DTNA: variants seen among roughly 807,000 people sequenced by gnomAD.
DTNA encodes the protein dystrophin-related protein 3.
DTNA carries 43 observed loss-of-function variants against 100.7 expected under a neutral mutation model. That is an observed-to-expected ratio of 0.43 (90% CI 0.33 to 0.55). The LOEUF (loss-of-function observed/expected upper bound fraction) is 0.55, where lower values mean the gene tolerates loss of function less well. Ranked by LOEUF, DTNA falls within the 20% of genes least tolerant of loss-of-function variation. The pLI, the probability that DTNA is intolerant of heterozygous loss-of-function variation, is 0.04. For synonymous variants in DTNA, 349 were observed against 347.9 expected, an observed-to-expected ratio of 1.00 and a Z score of -0.04; for missense variants, 798 against 953.9, an observed-to-expected ratio of 0.84 and a Z score of 2.15.
At chr18:34,794,345 C>G in intron 4 of DTNA, 95 bp downstream of exon 4, 3 of 1,091,614 alleles carry the variant, frequency 2.7e-6, no homozygotes, top group Non-Finnish European at 3.9e-6. Context: ...ATATCTCTCT[C>G]TTTTTTTTTT....
chr18:34,605,473 G>T (rs1193257752), intron 1 of DTNA, among the ~76,000 whole-genome samples: 4 of 152,158 alleles, frequency 2.6e-5, no homozygotes, highest in East Asian at 1.9e-4. Context: ...AATTTTCAAA[G>T]CAGAGACATT....
intron 1 of DTNA, among the ~76,000 whole-genome samples, chr18:34,654,080 G>A (rs1221570142): frequency 2.6e-5 from 4 of 152,190 alleles, no homozygotes; most frequent in African/African-American, 9.7e-5. Context: ...TCAAGGAACT[G>A]TGGATTTATT....
intron 1 of DTNA, among the ~76,000 whole-genome samples, chr18:34,751,428 C>T (rs1409250866): frequency 6.6e-6 from 1 of 152,188 alleles, no homozygotes; most frequent in African/African-American, 2.4e-5. Flanking sequence ...CAATTTCCTA[C>T]TTAAACCTTG....
At chr18:34,495,274 T>C (rs767615389) in intron 1 of DTNA, among the ~76,000 whole-genome samples, 1 of 152,218 alleles carries the variant, frequency 6.6e-6, no homozygotes, top group Non-Finnish European at 1.5e-5. Context: ...ATACTAAAAT[T>C]ATGGCAAATA....
chr18:34,495,087 A>T (rs1379582020), intron 1 of DTNA, among the ~76,000 whole-genome samples: 1 of 152,200 alleles, frequency 6.6e-6, no homozygotes, highest in Non-Finnish European at 1.5e-5. Context: ...ACCCAAGGTC[A>T]TACATTTATT....
chr18:34,709,653 G>A (rs978461872), upstream of DTNA: 3 of 152,132 alleles, frequency 2.0e-5, no homozygotes, highest in South Asian at 2.1e-4. Flanking sequence ...TAGCCTGATC[G>A]ATTCCAGCAG....
intron 1 of DTNA, among the ~76,000 whole-genome samples, chr18:34,572,215 T>A (rs1005644642): frequency 2.6e-5 from 4 of 152,202 alleles, no homozygotes; most frequent in Admixed American, 2.0e-4. Flanking sequence ...AGATTCTGAT[T>A]CAGGCCCAGT....
chr18:34,770,784 CTT>C (rs10670584), intron 3 of DTNA, among the ~76,000 whole-genome samples: 31 of 132,852 alleles, frequency 2.3e-4, no homozygotes, highest in Non-Finnish European at 2.5e-4. Flanking sequence ...GAATTATATT[CTT>C]TTTTTTTTTT....
chr18:34,653,110 A>G (rs1041629367), intron 1 of DTNA, among the ~76,000 whole-genome samples: 3 of 152,194 alleles, frequency 2.0e-5, no homozygotes, highest in African/African-American at 7.2e-5. Flanking sequence ...GTATGTTTTT[A>G]CAGATTACAC....
chr18:34,824,475 C>T (rs1293010801), intron 9 of DTNA, among the ~76,000 whole-genome samples: 2 of 131,572 alleles, frequency 1.5e-5, no homozygotes, highest in Admixed American at 7.8e-5. Context: ...GACGCCATCT[C>T]AAAAAAAAAA....
intron 1 of DTNA, among the ~76,000 whole-genome samples, chr18:34,654,341 T>G (rs941204358): frequency 2.0e-5 from 3 of 152,228 alleles, no homozygotes; most frequent in African/African-American, 7.2e-5. Flanking sequence ...TACCAGTTAC[T>G]GAGTGACAGT....
intron 1 of DTNA, among the ~76,000 whole-genome samples, chr18:34,585,408 T>A (rs1371695934): frequency 6.6e-6 from 1 of 151,784 alleles, no homozygotes; most frequent in Non-Finnish European, 1.5e-5. Flanking sequence ...AAGAAAAAAA[T>A]GTGTAAAAGA....
At chr18:34,528,432 A>G (rs2042842433) in intron 1 of DTNA, among the ~76,000 whole-genome samples, 1 of 152,108 alleles carries the variant, frequency 6.6e-6, no homozygotes, top group Non-Finnish European at 1.5e-5. Context: ...TTCAGTAAAA[A>G]GAAGCCATAG....
chr18:34,580,859 G>C (rs527823519), intron 1 of DTNA, among the ~76,000 whole-genome samples: 7 of 152,276 alleles, frequency 4.6e-5, no homozygotes, highest in South Asian at 4.2e-4. Context: ...GTGATGATCT[G>C]TGGAAAGGAG....
chr18:34,823,125 T>C (rs1044763042), intron 9 of DTNA, among the ~76,000 whole-genome samples: 3 of 152,238 alleles, frequency 2.0e-5, no homozygotes, highest in Admixed American at 1.3e-4. Context: ...TAGATATCCA[T>C]GTCTTTTTTC....
At position 34,684,196 on chromosome 18, in the gene DTNA, C is replaced by T. The variant is rs570383444; in HGVS notation, c.-1-71780C>T. On this transcript the variant is annotated intron_variant, in intron 1 of 19. Coordinates refer to the DTNA transcript ENST00000283365. ...TAGGTTCTGGGATACATATGCAGAA[C>T]GTGCAAGTTTGCTACACAGGCATAC... Among the ~76,000 whole-genome samples the T allele has an allele frequency of 3.9e-5, 6 of 152,116 alleles. No homozygotes were observed. In the South Asian group the frequency reaches 1.0e-3, roughly 26 times the overall value.
At chr18:34,744,669 CT>C (rs2091278600) in intron 1 of DTNA, among the ~76,000 whole-genome samples, 3 of 152,086 alleles carry the variant, frequency 2.0e-5, no homozygotes, top group Admixed American at 2.0e-4. Context: ...GAGATAGGCA[CT>C]TTCGGCTCAC....
intron 1 of DTNA, among the ~76,000 whole-genome samples, chr18:34,636,489 G>C (rs1288007424): frequency 6.6e-6 from 1 of 152,206 alleles, no homozygotes; most frequent in African/African-American, 2.4e-5. Context: ...TAAAAAACCT[G>C]TAGTTAAAAA....
chr18:34,573,553 G>A (rs565561702), intron 1 of DTNA, among the ~76,000 whole-genome samples: 1 of 152,156 alleles, frequency 6.6e-6, no homozygotes, highest in Non-Finnish European at 1.5e-5. Context: ...ACTGGATAAA[G>A]GGTAGGCTCT....
Sources: gnomAD v4.1 joint callset for allele counts (sites outside exome capture counted in the v4.1 genomes callset) on GRCh38, gnomAD v4.1.1 for gene constraint, MANE v1.5 for transcripts, NCBI Gene and HGNC (gene_info 2026-07-23, HGNC 2026-07-21) for gene names.